The following KREMEN1 variants were observed in gnomAD, a reference collection of about 807,000 sequenced individuals.
KREMEN1 encodes the protein kremen protein 1.
A neutral mutation model predicts 46.5 loss-of-function variants in KREMEN1; 30 were observed. That is an observed-to-expected ratio of 0.65 (90% confidence interval 0.48 to 0.88). The LOEUF (loss-of-function observed/expected upper bound fraction) is 0.88. Among genes scored for constraint, KREMEN1 ranks in the 40% least tolerant of loss-of-function variants. The pLI is 0.00. For synonymous variants in KREMEN1, 214 were observed against 230.6 expected, an observed-to-expected ratio of 0.93 and a Z score of 0.65; for missense variants, 533 against 596.9, an observed-to-expected ratio of 0.89 and a Z score of 1.11.
intron 2 of KREMEN1, among the ~76,000 whole-genome samples, chr22:29,095,146 G>T (rs2145764724): frequency 6.6e-6 from 1 of 152,288 alleles, no homozygotes; most frequent in Middle Eastern, 3.4e-3. Context: ...AAAGGAAGCT[G>T]CCTACATTGT....
intron 3 of KREMEN1, among the ~76,000 whole-genome samples, chr22:29,120,590 CAG>C (rs1255358485): frequency 1.0e-4 from 6 of 58,016 alleles, no homozygotes; most frequent in East Asian, 1.4e-3. Context: ...ATGATGGAAA[CAG>C]GGAGAAAGGA....
rs140390819 is a variant in KREMEN1 at position 29,133,621 on chromosome 22, T to C, written c.632-3721T>C. On this transcript the variant is annotated intron_variant, in intron 5 of 8. Transcript: ENST00000400335. ...CAGACTGGTTTTCAACATTTAACTA[T>C]GATGTGTCTAGGTGTGTCTTCTTTG... Among the ~76,000 whole-genome samples the C allele has an allele frequency of 9.0e-3, 1,363 of 152,200 alleles. 14 individuals carry two copies. Among genetic ancestry groups the C allele is most frequent in the African/African-American group, 0.031 (1,301 of 41,544 alleles).
chr22:29,073,253 C>A lies in KREMEN1; in HGVS notation c.97+26C>A, dbSNP rs2037502121. 2 of 1,059,872 alleles carry A rather than the reference C, an allele frequency of 1.9e-6. No homozygotes were observed. The highest frequency in any genetic ancestry group is 9.1e-5 in the South Asian group (2 of 21,970). 65.7% of individuals were successfully genotyped at this position (1,059,872 alleles called of 1,614,324 possible). A position where few individuals can be genotyped will look rare whatever the true frequency, so the allele number is the denominator to read the frequency against. ...GTGAGTGTGAGCGACCCCCCGCCGCCCGCCCTGAGCGGAGCCCACTCGAGG... is the reference window on the plus strand; with the variant it reads ...GTGAGTGTGAGCGACCCCCCGCCGCACGCCCTGAGCGGAGCCCACTCGAGG... On this transcript the variant is annotated intron_variant, in intron 1 of 8. Coordinates refer to ENST00000400335, the MANE Select transcript of KREMEN1 (RefSeq NM_001039570.3). The surrounding 1 kb of genome is among the most constrained non-coding windows in gnomAD (Gnocchi z 4.4).
At chr22:29,128,806 G>T (rs867602448) in intron 5 of KREMEN1, among the ~76,000 whole-genome samples, 2 of 152,224 alleles carry the variant, frequency 1.3e-5, no homozygotes, top group African/African-American at 2.4e-5. Flanking sequence ...ATGCTAGTAA[G>T]TGCCAGAGCC....
Position 29,142,785 on chromosome 22 carries a change from G to A in KREMEN1, c.*673G>A. 1.0e-6 allele frequency: 1 copy of A among 985,446 alleles called. No homozygotes were observed. The highest frequency in any genetic ancestry group is 1.2e-6 in the Non-Finnish European group (1 of 829,934). The allele number at this position is 985,446 out of a possible 1,614,324, so 61.0% of individuals were successfully genotyped here. ...ATCAAACCTGATACCTTACACATGG[G>A]CTTCTTTCTAGATTCTTCTTTCCAT... On this transcript the variant is annotated 3_prime_UTR_variant, in exon 9 of 9. Transcript: ENST00000400335.
intron 9 of KREMEN1, among the ~76,000 whole-genome samples, chr22:29,158,116 T>C (rs2145872964): frequency 6.6e-6 from 1 of 152,274 alleles, no homozygotes. Context: ...TGCCTTGAGA[T>C]TGTTGCTCAG....
chr22:29,091,589 C>T (rs1309140748), intron 1 of KREMEN1, among the ~76,000 whole-genome samples: 2 of 152,152 alleles, frequency 1.3e-5, no homozygotes, highest in African/African-American at 4.8e-5. Context: ...TTCTTAGAAT[C>T]ATCTAGTCTA....
chr22:29,098,977 A>G, intron 3 of KREMEN1, 24 bp downstream of exon 3: 1 of 1,538,296 alleles, frequency 6.5e-7, no homozygotes, highest in Non-Finnish European at 9.0e-7. Flanking sequence ...ACCCAATGTG[A>G]TGGTTTACAG....
intron 5 of KREMEN1, among the ~76,000 whole-genome samples, chr22:29,131,642 GTGTATATA>G (rs2038548597): frequency 1.7e-5 from 2 of 118,954 alleles, no homozygotes; most frequent in South Asian, 5.9e-4. Context: ...ATATATATGT[GTGTATATA>G]TATGTATATA....
Position 29,145,256 on chromosome 22 carries a change from G to T in KREMEN1, c.*3144G>T. On this transcript the variant is annotated 3_prime_UTR_variant, in exon 9 of 9. Transcript: ENST00000400335. ...AAACTCCTTAGATGAGATAAAGTGG[G>T]GGTTGGAGGTGGCGAAAAGAGGGTA... is the stretch of plus-strand genomic sequence containing the variant. The T allele has an allele frequency of 1.0e-6, 1 of 985,622 alleles. No homozygotes were observed. The highest frequency in any genetic ancestry group is 1.2e-6 in the Non-Finnish European group (1 of 830,022). The allele number at this position is 985,622 out of a possible 1,614,324, so 61.1% of individuals were successfully genotyped here.
intron 2 of KREMEN1, among the ~76,000 whole-genome samples, chr22:29,097,564 C>T (rs1397014135): frequency 6.6e-6 from 1 of 152,138 alleles, no homozygotes; most frequent in African/African-American, 2.4e-5. Context: ...GAGCCTCGTC[C>T]TGGTGAAAGT....
intron 5 of KREMEN1, among the ~76,000 whole-genome samples, chr22:29,125,995 T>G (rs1357212222): frequency 6.6e-6 from 1 of 152,106 alleles, no homozygotes; most frequent in African/African-American, 2.4e-5. Context: ...CAACATCATG[T>G]TCTAACCACT....
At position 29,140,307 on chromosome 22, in the gene KREMEN1, TCTC is replaced by T; in HGVS notation, c.1153_1155del (p.Leu385del). 2 of 1,614,036 alleles carry T rather than the reference TCTC, an allele frequency of 1.2e-6. No individual in the cohort carries two copies. Among genetic ancestry groups the T allele is most frequent in the South Asian group, 2.2e-5 (2 of 91,080 alleles). On this transcript the variant is annotated inframe_deletion, in exon 8 of 9. Transcript: ENST00000400335. The stretch of plus-strand genomic sequence containing the variant: ...GATGGACAGTCTATGGTCTGGCAAC[TCTC>T]CTCATCCTCACAGTCACAGCCATTG...
chr22:29,081,623 C>T (rs134614), intron 1 of KREMEN1, among the ~76,000 whole-genome samples: 75,288 of 151,896 alleles, frequency 0.5, 19,418 homozygotes, highest in Middle Eastern at 0.63. Context: ...TCCAAGTGAC[C>T]AGAGATGATG....
chr22:29,163,462 C>A (rs927161994), intron 9 of KREMEN1, among the ~76,000 whole-genome samples: 1 of 152,064 alleles, frequency 6.6e-6, no homozygotes, highest in African/African-American at 2.4e-5. Context: ...ACTGCAATAT[C>A]CGCCTCCCGG....
In KREMEN1 at chr22:29,073,807, T is replaced by C. The variant is rs1209392131; in HGVS notation, c.97+580T>C. 2.6e-3 allele frequency among the ~76,000 whole-genome samples: 258 copies of C among 97,554 alleles called. No individual in the cohort carries two copies. The highest frequency in any genetic ancestry group is 5.8e-3 in the Admixed American group (63 of 10,872). 64.0% of individuals were successfully genotyped at this position (97,554 alleles called of 152,430 possible). A position where few individuals can be genotyped will look rare whatever the true frequency, so the allele number is the denominator to read the frequency against. ...CCGTCCCCAAGTCCCCAGCGACCCCTCCCGGGCCGGGACGACCCCTGCTCC... is the reference window on the plus strand; with the variant it reads ...CCGTCCCCAAGTCCCCAGCGACCCCCCCCGGGCCGGGACGACCCCTGCTCC... On this transcript the variant is annotated intron_variant, in intron 1 of 8. Coordinates refer to ENST00000400335, the MANE Select transcript of KREMEN1 (RefSeq NM_001039570.3). This position sits in a 1 kb window ranked among gnomAD's most constrained non-coding sequence, Gnocchi z 4.4.
At chr22:29,133,205 G>A (rs142349107) in intron 5 of KREMEN1, among the ~76,000 whole-genome samples, 1,631 of 143,458 alleles carry the variant, frequency 0.011, 28 homozygotes, top group African/African-American at 0.039. Flanking sequence ...CAGAGATCGC[G>A]TCATTGCACT....
At chr22:29,138,553 T>A (rs2038705670) in intron 6 of KREMEN1, 71 bp from the exon 7 acceptor site, 2 of 1,436,052 alleles carry the variant, frequency 1.4e-6, no homozygotes, top group South Asian at 2.3e-5. Context: ...TCATAACTCG[T>A]GCTCTCCTCC....
intron 5 of KREMEN1, among the ~76,000 whole-genome samples, chr22:29,135,439 C>T (rs1259811838): frequency 6.6e-6 from 1 of 152,172 alleles, no homozygotes; most frequent in African/African-American, 2.4e-5. Context: ...CTCCCAGCTG[C>T]CGAAGGCTTT....
Sources: allele counts gnomAD v4.1 joint callset (sites outside exome capture counted in the v4.1 genomes callset), GRCh38; gene constraint gnomAD v4.1.1; non-coding constraint Gnocchi (gnomAD v3.1); transcripts MANE v1.5; gene names NCBI Gene and HGNC (gene_info 2026-07-23, HGNC 2026-07-21).